Variants in PCDHGB1 observed in about 807,000 individuals in gnomAD.
PCDHGB1 encodes the protein protocadherin gamma subfamily B, 1, also known as protocadherin gamma-B1.
A neutral mutation model predicts 56.6 loss-of-function variants in PCDHGB1; 34 were observed. The observed-to-expected ratio is 0.60, with a 90% CI of 0.46 to 0.80. The LOEUF (loss-of-function observed/expected upper bound fraction) is 0.80, where lower values mean the gene tolerates loss of function less well. PCDHGB1 is among the 30% of genes least tolerant of loss of function. The pLI is 0.00. For synonymous variants in PCDHGB1, 561 were observed against 505.9 expected, an observed-to-expected ratio of 1.11 and a Z score of -1.46; for missense variants, 1,278 against 1,204.6, an observed-to-expected ratio of 1.06 and a Z score of -0.90.
intron 1 of PCDHGB1, chr5:141,371,742 C>A (rs773429109): frequency 6.2e-7 from 1 of 1,614,068 alleles, no homozygotes; most frequent in East Asian, 2.2e-5. Context: ...CGACAACGTT[C>A]CCGTTTTCCA....
chr5:141,450,110 G>C (rs2098669636), intron 1 of PCDHGB1, among the ~76,000 whole-genome samples: 1 of 147,716 alleles, frequency 6.8e-6, no homozygotes. Context: ...AGGTTCAAAT[G>C]ATTCTCCTGC....
At chr5:141,467,064 T>C (rs1289790911) in intron 1 of PCDHGB1, among the ~76,000 whole-genome samples, 2 of 151,724 alleles carry the variant, frequency 1.3e-5, no homozygotes, top group Middle Eastern at 3.2e-3. Context: ...TCTTTTTTTT[T>C]TTTTTTTAGA....
intron 1 of PCDHGB1, chr5:141,441,674 CT>C: frequency 3.4e-6 from 1 of 293,692 alleles, no homozygotes; most frequent in Non-Finnish European, 6.7e-6. Flanking sequence ...CACAGTGCGC[CT>C]TCGACCAAGA....
rs1233148754 is a variant in PCDHGB1, at chr5:141,428,157, T to A, written c.2410-66650T>A. ...CCTGGGGCTGCACACGGGAACCTGC[T>A]GGTTGCTGTGCGTGACGGAGGACAG... On this transcript the variant is annotated intron_variant, in intron 1 of 3. Coordinates refer to ENST00000523390, the MANE Select transcript of PCDHGB1 (RefSeq NM_018922.3). The A allele has an allele frequency of 4.4e-6, 7 of 1,575,024 alleles. No individual in the cohort carries two copies. The East Asian group carries it at 1.6e-4, about 35-fold the overall frequency.
chr5:141,373,163 A>G (rs1171278735), intron 1 of PCDHGB1, among the ~76,000 whole-genome samples: 1 of 152,252 alleles, frequency 6.6e-6, no homozygotes, highest in Non-Finnish European at 1.5e-5. Context: ...GTTTTAATGC[A>G]GTCAATCCTA....
At chr5:141,364,466 G>T (rs1391136210) in intron 1 of PCDHGB1, 2 of 1,613,990 alleles carry the variant, frequency 1.2e-6, no homozygotes, top group Non-Finnish European at 1.7e-6. Context: ...CTCCTTCGTC[G>T]GCAACATAGC....
Position 141,441,798 on chromosome 5 carries a change from CGGGT to C in PCDHGB1, c.2410-53007_2410-53004del, listed in dbSNP as rs1242635625. 6.4e-4 allele frequency: 248 copies of C among 387,326 alleles called. 2 individuals are homozygous for C. The highest frequency in any genetic ancestry group is 4.8e-3 in the African/African-American group (220 of 46,120). 24.0% of individuals were successfully genotyped at this position (387,326 alleles called of 1,614,324 possible). A position where few individuals can be genotyped will look rare whatever the true frequency, so the allele number is the denominator to read the frequency against. ...GGACGACCTGAATGACAACGCACCG[CGGGT>C]GCTGTACCCCAGCTCTGGAGCGCAA... On this transcript the variant is annotated intron_variant, in intron 1 of 3. Transcript: ENST00000523390.
chr5:141,374,241 G>T lies in PCDHGB1; in HGVS notation c.2409+21572G>T, dbSNP rs761928573. The T allele has an allele frequency of 2.5e-6, 4 of 1,614,020 alleles. No homozygotes were observed. In the Admixed American group the frequency reaches 6.7e-5, roughly 27 times the overall value. On this transcript the variant is annotated intron_variant, in intron 1 of 3. Transcript: ENST00000523390. Reference sequence around the variant, plus strand: ...GTAGGCAACATCGTCAAGGATCTGGGACTGGAGCCCCAGGAGTTGGCGGAG... The same window carrying T: ...GTAGGCAACATCGTCAAGGATCTGGTACTGGAGCCCCAGGAGTTGGCGGAG...
At chr5:141,376,411 C>T in intron 1 of PCDHGB1, 1 of 1,614,182 alleles carries the variant, frequency 6.2e-7, no homozygotes, top group Non-Finnish European at 8.5e-7. Flanking sequence ...CCAACTATGC[C>T]GACACGCTTA....
In PCDHGB1 at chr5:141,485,798, C is replaced by T. The variant is rs764109672; in HGVS notation, c.2410-9009C>T. The T allele has an allele frequency of 2.0e-5, 32 of 1,614,172 alleles. No individual in the cohort carries two copies. The highest frequency in any genetic ancestry group is 1.1e-4 in the East Asian group (5 of 44,876). ...GGATCGAGAGAAGCAATCGGACTAC[C>T]GCCTGGTGCTGACTGCTGTCGATGG... is the stretch of plus-strand genomic sequence containing the variant. On this transcript the variant is annotated intron_variant, in intron 1 of 3. Coordinates refer to ENST00000523390, the MANE Select transcript of PCDHGB1 (RefSeq NM_018922.3). The surrounding 1 kb of genome is among the most constrained non-coding windows in gnomAD (Gnocchi z 5.7).
chr5:141,360,891 G>A (rs1293108757), intron 1 of PCDHGB1: 11 of 1,613,912 alleles, frequency 6.8e-6, no homozygotes, highest in Non-Finnish European at 6.8e-6. Flanking sequence ...TCACCCTGAG[G>A]GAGGACGTGC....
At chr5:141,458,513 G>GT (rs537551567) in intron 1 of PCDHGB1, among the ~76,000 whole-genome samples, 9,886 of 146,106 alleles carry the variant, frequency 0.068, 671 homozygotes, top group African/African-American at 0.18. Flanking sequence ...TTGACACTTT[G>GT]TTTTTTTTTT....
chr5:141,404,907 C>T (rs2094582940), intron 1 of PCDHGB1: 1 of 1,613,890 alleles, frequency 6.2e-7, no homozygotes. Context: ...CATGGCCAGC[C>T]CCCTCTCTCG....
In PCDHGB1 at chr5:141,374,048, C is replaced by T. The variant is rs1406796976; in HGVS notation, c.2409+21379C>T. ...AAAGTGATGCAGATCTGTTCTTCCT[C>T]TTCTTAATCCCAGAGAAGTTCCTAA... On this transcript the variant is annotated intron_variant, in intron 1 of 3. Coordinates refer to ENST00000523390, the MANE Select transcript of PCDHGB1 (RefSeq NM_018922.3). The T allele has an allele frequency of 4.8e-6, 7 of 1,471,096 alleles. No homozygotes were observed. In the East Asian group the frequency reaches 1.4e-4, roughly 30 times the overall value. 91.1% of individuals were successfully genotyped at this position (1,471,096 alleles called of 1,614,324 possible).
At chr5:141,388,261 T>G (rs1439243738) in intron 1 of PCDHGB1, 1 of 1,611,348 alleles carries the variant, frequency 6.2e-7, no homozygotes, top group East Asian at 2.2e-5. Context: ...ATCGAGGACA[T>G]TAATGACCAC....
At chr5:141,359,997 C>A in intron 1 of PCDHGB1, 1 of 1,120,990 alleles carries the variant, frequency 8.9e-7, no homozygotes, top group Non-Finnish European at 1.2e-6. Context: ...GAACTTCCTG[C>A]ACAAACCAAC....
At chr5:141,399,256 G>T in intron 1 of PCDHGB1, 3 of 1,613,964 alleles carry the variant, frequency 1.9e-6, no homozygotes, top group Non-Finnish European at 2.5e-6. Flanking sequence ...GGAAAATGGG[G>T]AGGTTAATTG....
chr5:141,418,767 C>T (rs770275597), intron 1 of PCDHGB1: 1 of 1,613,850 alleles, frequency 6.2e-7, no homozygotes, highest in Non-Finnish European at 8.5e-7. Flanking sequence ...AACATTCTAA[C>T]TCAGCAGCCT....
At position 141,477,271 on chromosome 5, in the gene PCDHGB1, G is replaced by T; in HGVS notation, c.2410-17536G>T. On this transcript the variant is annotated intron_variant, in intron 1 of 3. Transcript: ENST00000523390. The surrounding 1 kb of genome is among the most constrained non-coding windows in gnomAD (Gnocchi z 4.9). ...CTGACCTGGATGCTGGCGAGAACGG[G>T]CTGGTGACCTGCGAAGTTCCACCGG... The T allele has an allele frequency of 1.2e-6, 2 of 1,614,212 alleles. No homozygotes were observed. The highest frequency in any genetic ancestry group is 1.7e-6 in the Non-Finnish European group (2 of 1,180,044).
Sources: allele counts gnomAD v4.1 joint callset (sites outside exome capture counted in the v4.1 genomes callset), GRCh38; gene constraint gnomAD v4.1.1; non-coding constraint Gnocchi (gnomAD v3.1); transcripts MANE v1.5; gene names NCBI Gene and HGNC (gene_info 2026-07-23, HGNC 2026-07-21).